SFMBT2: variants seen among roughly 807,000 people sequenced by gnomAD.
SFMBT2 encodes the protein Scm like with four mbt domains 2.
A neutral mutation model predicts 110.1 loss-of-function variants in SFMBT2; 38 were observed. The observed-to-expected ratio is 0.35, with a 90% CI of 0.27 to 0.45. The LOEUF (loss-of-function observed/expected upper bound fraction) is 0.45. SFMBT2 is among the 20% of genes least tolerant of loss of function. The pLI, the probability that SFMBT2 is intolerant of heterozygous loss-of-function variation, is 1.00. For missense variants in SFMBT2, 1,011 were observed against 1,094.9 expected, an observed-to-expected ratio of 0.92 and a Z score of 1.08; for synonymous variants, 425 against 425.4, an observed-to-expected ratio of 1.00 and a Z score of 0.01.
chr10:7,278,476 C>T (rs1393641984), intron 6 of SFMBT2, among the ~76,000 whole-genome samples: 1 of 152,138 alleles, frequency 6.6e-6, no homozygotes, highest in African/African-American at 2.4e-5. Flanking sequence ...GAGCAAAGCC[C>T]TGAGGACGCC....
intron 9 of SFMBT2, among the ~76,000 whole-genome samples, chr10:7,233,072 T>TC (rs1283540380): frequency 6.6e-6 from 1 of 152,050 alleles, no homozygotes; most frequent in Non-Finnish European, 1.5e-5. Flanking sequence ...GAATAAAAAC[T>TC]CCTCTTCTAT....
intron 1 of SFMBT2, among the ~76,000 whole-genome samples, chr10:7,403,496 G>C (rs1430814673): frequency 6.6e-6 from 1 of 151,900 alleles, no homozygotes; most frequent in Non-Finnish European, 1.5e-5. Flanking sequence ...CAGAAAATTA[G>C]CTGGGTGTGG....
chr10:7,272,974 T>C (rs1392644596), intron 7 of SFMBT2, among the ~76,000 whole-genome samples: 2 of 152,208 alleles, frequency 1.3e-5, no homozygotes, highest in Non-Finnish European at 2.9e-5. Context: ...TTTGTATTTT[T>C]AGTAGAGACA....
At chr10:7,324,605 G>T (rs1843315179) in intron 4 of SFMBT2, among the ~76,000 whole-genome samples, 1 of 152,206 alleles carries the variant, frequency 6.6e-6, no homozygotes, top group African/African-American at 2.4e-5. Context: ...CAAGGGAATG[G>T]TTGTTCTTAC....
chr10:7,249,314 G>A (rs543217948), intron 7 of SFMBT2, among the ~76,000 whole-genome samples: 13 of 152,318 alleles, frequency 8.5e-5, no homozygotes, highest in African/African-American at 3.1e-4. Context: ...AACCTTATGT[G>A]AGAGAGATGG....
chr10:7,378,477 A>G (rs1402932337), intron 2 of SFMBT2, among the ~76,000 whole-genome samples: 1 of 25,260 alleles, frequency 4.0e-5, no homozygotes, highest in African/African-American at 2.1e-4. Flanking sequence ...GATGGGTGTA[A>G]GTGTGGGTGT....
At chr10:7,381,299 A>T (rs12261121) in intron 2 of SFMBT2, among the ~76,000 whole-genome samples, 13 of 152,274 alleles carry the variant, frequency 8.5e-5, no homozygotes, top group African/African-American at 3.1e-4. Context: ...ACGTAGGCAG[A>T]TCTGGATGTC....
intron 8 of SFMBT2, among the ~76,000 whole-genome samples, chr10:7,244,401 G>A (rs1840540223): frequency 2.0e-5 from 3 of 152,178 alleles, no homozygotes; most frequent in South Asian, 2.1e-4. Flanking sequence ...TTCCTAGACC[G>A]ATTACACATC....
chr10:7,366,345 C>T (rs534201663), intron 4 of SFMBT2, among the ~76,000 whole-genome samples: 13 of 151,320 alleles, frequency 8.6e-5, no homozygotes, highest in African/African-American at 3.2e-4. Context: ...TGACCCCCTT[C>T]TTAGCAGGCT....
intron 4 of SFMBT2, among the ~76,000 whole-genome samples, chr10:7,354,172 C>T (rs1380399713): frequency 2.0e-5 from 3 of 151,930 alleles, no homozygotes; most frequent in Admixed American, 6.6e-5. Flanking sequence ...CTATATGCCC[C>T]AGACTCTTAT....
Position 7,200,482 on chromosome 10 carries a change from A to G in SFMBT2, c.1490T>C (p.Leu497Ser). 1 of 1,600,306 alleles carries G rather than the reference A, an allele frequency of 6.2e-7. No individual in the cohort carries two copies. ...TTTCTTAACAGGCACTGTGGGCGGC[A>G]ATCTGTCAACAGAGAAAATAAAACT... Reference protein sequence around the residue: ...KIAVVQPEKQLPPTVPVKKIP... With the variant: ...KIAVVQPEKQSPPTVPVKKIP... The change falls in exon 14 of 21, where the codon TTG becomes TCG. Residue 497 changes from leucine (L) to serine (S), a missense_variant and splice_region_variant. By Grantham distance (145) the Leu-to-Ser change is moderately radical. This residue lies in a region of SFMBT2 where 979 missense variants were observed against 1,016.1 expected (regional missense o/e 0.96). Transcript: ENST00000397167.
intron 1 of SFMBT2, chr10:7,409,304 G>A (rs1251054435): frequency 1.3e-5 from 2 of 152,102 alleles, no homozygotes; most frequent in Admixed American, 6.6e-5. Context: ...CCACCTACTC[G>A]GGGATCTACC....
At chr10:7,327,764 G>A (rs1843439217) in intron 4 of SFMBT2, among the ~76,000 whole-genome samples, 1 of 151,760 alleles carries the variant, frequency 6.6e-6, no homozygotes, top group African/African-American at 2.4e-5. Flanking sequence ...CCAGCATGAT[G>A]CCTTCAAGAT....
intron 9 of SFMBT2, among the ~76,000 whole-genome samples, chr10:7,229,727 G>GTTTTGT (rs1364170446): frequency 6.9e-6 from 1 of 145,652 alleles, no homozygotes; most frequent in African/African-American, 2.5e-5. Flanking sequence ...TGTTGTTGTT[G>GTTTTGT]TTTTTTTTTT....
chr10:7,185,039 T>A (rs1838353263), intron 16 of SFMBT2, among the ~76,000 whole-genome samples: 1 of 152,182 alleles, frequency 6.6e-6, no homozygotes, highest in Admixed American at 6.5e-5. Flanking sequence ...CCCAAACTCC[T>A]CAGAAATTTC....
rs573688916 is a variant in SFMBT2 at position 7,278,675 on chromosome 10, G to A, written c.773-1686C>T. Reference sequence around the variant, plus strand: ...GAAAGAATTTGAAGACCCAACAGGTGCAAAAAGGAAAAGCATGATCTACCT... The same window carrying A: ...GAAAGAATTTGAAGACCCAACAGGTACAAAAAGGAAAAGCATGATCTACCT... On this transcript the variant is annotated intron_variant, in intron 6 of 20. Transcript: ENST00000397167. Among the ~76,000 whole-genome samples the A allele has an allele frequency of 7.9e-5, 12 of 152,282 alleles. No homozygotes were observed. The South Asian group carries it at 2.5e-3, about 32-fold the overall frequency.
chr10:7,310,603 A>C (rs548537837), intron 4 of SFMBT2, among the ~76,000 whole-genome samples: 1 of 152,330 alleles, frequency 6.6e-6, no homozygotes, highest in Admixed American at 6.5e-5. Flanking sequence ...CTTTTGGCAA[A>C]GTCTGTCTGA....
At chr10:7,174,882 G>T (rs368380767) in intron 17 of SFMBT2, among the ~76,000 whole-genome samples, 15 of 152,348 alleles carry the variant, frequency 9.8e-5, no homozygotes, top group African/African-American at 3.6e-4. Flanking sequence ...ATGAGGGGAG[G>T]TCTGTGTGAT....
chr10:7,228,412 T>A, intron 9 of SFMBT2: 1 of 803,606 alleles, frequency 1.2e-6, no homozygotes, highest in African/African-American at 1.9e-5. Flanking sequence ...CAGGGACGAC[T>A]TTTTAAAAAG....
Sources: gnomAD v4.1 joint callset for allele counts (sites outside exome capture counted in the v4.1 genomes callset) on GRCh38, gnomAD v4.1.1 for gene constraint, gnomAD v4.1.1 regional missense constraint, MANE v1.5 for transcripts, NCBI Gene and HGNC (gene_info 2026-07-23, HGNC 2026-07-21) for gene names.